MFHAS1: variants seen among roughly 807,000 people sequenced by gnomAD.
MFHAS1 encodes multifunctional ROCO family signaling regulator 1, also known as malignant fibrous histiocytoma-amplified sequence 1.
A neutral mutation model predicts 70.4 loss-of-function variants in MFHAS1; 50 were observed. The ratio of observed to expected loss-of-function variants is 0.71; its 90% confidence interval spans 0.57 to 0.90. The LOEUF (loss-of-function observed/expected upper bound fraction) is 0.90. Among genes scored for constraint, MFHAS1 ranks in the 40% least tolerant of loss-of-function variants. The pLI is 0.00. For synonymous variants in MFHAS1, 952 were observed against 620.0 expected (o/e 1.54, Z -7.96); for missense variants, 1,795 against 1,347.6 (o/e 1.33, Z -5.20).
At chr8:8,872,298 G>C (rs1280081210) in intron 1 of MFHAS1, among the ~76,000 whole-genome samples, 1 of 152,084 alleles carries the variant, frequency 6.6e-6, no homozygotes, top group African/African-American at 2.4e-5. Flanking sequence ...CTTTACAGTG[G>C]GTTATGATCT....
At position 8,892,568 on chromosome 8, in the gene MFHAS1, T is replaced by A; in HGVS notation, c.491A>T (p.Asp164Val). ...LGALAHLEEL[D>V]VSFNRLAHLP... ...GTGCGCCAGCCGGTTAAAGCTGACATCCAGCTCCTCCAGGTGAGCGAGAGC... is the reference window on the plus strand; with the variant it reads ...GTGCGCCAGCCGGTTAAAGCTGACAACCAGCTCCTCCAGGTGAGCGAGAGC... The change falls in exon 1 of 3, where the codon GAT becomes GTT. Residue 164 changes from aspartate to valine, a missense_variant. Coordinates refer to ENST00000276282, the MANE Select transcript of MFHAS1 (RefSeq NM_004225.3). The surrounding 1 kb of genome is among the most constrained non-coding windows in gnomAD (Gnocchi z 4.7). 1.2e-6 allele frequency: 2 copies of A among 1,606,240 alleles called. No homozygotes were observed. The highest frequency in any genetic ancestry group is 1.7e-6 in the Non-Finnish European group (2 of 1,176,914).
chr8:8,867,523 CAATAAGCT>C (rs1808905143), intron 1 of MFHAS1, among the ~76,000 whole-genome samples: 1 of 151,646 alleles, frequency 6.6e-6, no homozygotes, highest in South Asian at 2.1e-4. Context: ...TATTACACGC[CAATAAGCT>C]AATGATAATT....
At chr8:8,806,708 C>A (rs1806302920) in intron 1 of MFHAS1, among the ~76,000 whole-genome samples, 1 of 152,174 alleles carries the variant, frequency 6.6e-6, no homozygotes, top group Non-Finnish European at 1.5e-5. Flanking sequence ...GGCCTGTAAT[C>A]CCAGCACTTT....
At position 8,846,221 on chromosome 8, in the gene MFHAS1, C is replaced by A. The variant is rs1808025437; in HGVS notation, c.2998+43840G>T. ...TGAGCTGAGAACATGCCACTGCACT[C>A]CAGCCTGAGCGACAGAGCGAGACTC... On this transcript the variant is annotated intron_variant, in intron 1 of 2. Coordinates refer to ENST00000276282, the MANE Select transcript of MFHAS1 (RefSeq NM_004225.3). 2.1e-5 allele frequency among the ~76,000 whole-genome samples: 3 copies of A among 141,788 alleles called. No homozygotes were observed. In the South Asian group the frequency reaches 7.0e-4, roughly 33 times the overall value. The allele number at this position is 141,788 out of a possible 152,430, so 93.0% of individuals were successfully genotyped here. A position where few individuals can be genotyped will look rare whatever the true frequency, so the allele number is the denominator to read the frequency against.
At chr8:8,802,440 T>A (rs1303549049) in intron 1 of MFHAS1, among the ~76,000 whole-genome samples, 2 of 152,180 alleles carry the variant, frequency 1.3e-5, no homozygotes, top group African/African-American at 4.8e-5. Context: ...GGCTTACTCT[T>A]CTAAATACAC....
chr8:8,798,781 G>A (rs1805989213), intron 1 of MFHAS1, among the ~76,000 whole-genome samples: 1 of 152,134 alleles, frequency 6.6e-6, no homozygotes, highest in African/African-American at 2.4e-5. Context: ...GGGCGCGGTG[G>A]CTCACACCTG....
intron 1 of MFHAS1, among the ~76,000 whole-genome samples, chr8:8,860,609 G>A (rs1358690044): frequency 6.6e-6 from 1 of 152,168 alleles, no homozygotes; most frequent in Non-Finnish European, 1.5e-5. Flanking sequence ...CAGCAAACAG[G>A]AGGCTTAAGG....
intron 2 of MFHAS1, among the ~76,000 whole-genome samples, chr8:8,787,692 A>G (rs1186962781): frequency 6.6e-6 from 1 of 152,236 alleles, no homozygotes; most frequent in African/African-American, 2.4e-5. Flanking sequence ...ACACGTCTCA[A>G]CCTAGCAGCT....
chr8:8,789,477 G>A (rs747138718), intron 2 of MFHAS1, among the ~76,000 whole-genome samples: 1 of 152,100 alleles, frequency 6.6e-6, no homozygotes, highest in Non-Finnish European at 1.5e-5. Context: ...GGTCCAGCCT[G>A]GGGGGCACCC....
At chr8:8,805,709 C>G (rs375621664) in intron 1 of MFHAS1, among the ~76,000 whole-genome samples, 21 of 151,932 alleles carry the variant, frequency 1.4e-4, no homozygotes, top group African/African-American at 3.1e-4. Flanking sequence ...GTTTTGCTTT[C>G]TTTTTTGAGA....
At chr8:8,854,991 C>G (rs1425250700) in intron 1 of MFHAS1, among the ~76,000 whole-genome samples, 1 of 152,126 alleles carries the variant, frequency 6.6e-6, no homozygotes, top group Admixed American at 6.5e-5. Context: ...CTCACTGCAG[C>G]CTCCATCTCC....
intron 1 of MFHAS1, among the ~76,000 whole-genome samples, chr8:8,880,927 C>T (rs1022672387): frequency 2.0e-5 from 3 of 151,992 alleles, no homozygotes; most frequent in Non-Finnish European, 4.4e-5. Context: ...TCAAGTGATC[C>T]ACCTCCTCAG....
intron 1 of MFHAS1, among the ~76,000 whole-genome samples, chr8:8,816,294 G>C (rs186560548): frequency 5.4e-4 from 83 of 152,302 alleles, no homozygotes; most frequent in African/African-American, 1.9e-3. Flanking sequence ...GCATTTTTCT[G>C]TGTGCAAGTT....
intron 1 of MFHAS1, among the ~76,000 whole-genome samples, chr8:8,826,019 G>C (rs1050442331): frequency 7.9e-5 from 12 of 152,172 alleles, no homozygotes; most frequent in African/African-American, 2.7e-4. Context: ...TGGTTGGACA[G>C]CTGTACCCAA....
At chr8:8,837,497 C>A (rs1807641341) in intron 1 of MFHAS1, among the ~76,000 whole-genome samples, 1 of 152,000 alleles carries the variant, frequency 6.6e-6, no homozygotes, top group Non-Finnish European at 1.5e-5. Context: ...CAAAAATTAG[C>A]CAAGCGTGGT....
intron 1 of MFHAS1, among the ~76,000 whole-genome samples, chr8:8,845,472 T>C (rs531146850): frequency 3.6e-4 from 55 of 152,232 alleles, no homozygotes; most frequent in Admixed American, 1.6e-3. Flanking sequence ...AGATTATGAG[T>C]GGCATCTGTG....
chr8:8,800,909 T>C (rs74300882), intron 1 of MFHAS1, among the ~76,000 whole-genome samples: 4,495 of 152,030 alleles, frequency 0.03, 130 homozygotes, highest in South Asian at 0.12. Context: ...GGTCAGATCA[T>C]TTTGCCAGAG....
intron 1 of MFHAS1, among the ~76,000 whole-genome samples, chr8:8,883,631 C>T (rs1293727493): frequency 1.4e-5 from 2 of 145,314 alleles, no homozygotes; most frequent in African/African-American, 5.3e-5. Flanking sequence ...TCACTTGAAC[C>T]CAGGAGGTGG....
At chr8:8,870,035 T>G (rs1809014323) in intron 1 of MFHAS1, among the ~76,000 whole-genome samples, 2 of 152,314 alleles carry the variant, frequency 1.3e-5, no homozygotes, top group South Asian at 4.2e-4. Flanking sequence ...ATTTCCCCAT[T>G]TGACCCTTCA....
Sources: gnomAD v4.1 joint callset for allele counts (sites outside exome capture counted in the v4.1 genomes callset) on GRCh38, gnomAD v4.1.1 for gene constraint, Gnocchi (gnomAD v3.1) non-coding constraint, MANE v1.5 for transcripts, NCBI Gene and HGNC (gene_info 2026-07-23, HGNC 2026-07-21) for gene names.